Variants in RETREG1 observed in about 807,000 individuals in gnomAD.
The protein encoded by RETREG1 is family with sequence similarity 134 member B.
A neutral mutation model predicts 54.8 loss-of-function variants in RETREG1; 44 were observed. That is an observed-to-expected ratio of 0.80 (90% CI 0.63 to 1.03). The LOEUF (loss-of-function observed/expected upper bound fraction) is 1.03. RETREG1 is among the 50% of genes least tolerant of loss of function. The probability of loss-of-function intolerance (pLI) is 0.00; values close to 1 mark genes in which losing one functional copy is unlikely to be tolerated. For missense variants in RETREG1, 554 were observed against 605.1 expected, an observed-to-expected ratio of 0.92 and a Z score of 0.89; for synonymous variants, 217 against 238.5, an observed-to-expected ratio of 0.91 and a Z score of 0.83.
chr5:16,595,499 T>C (rs1742876201), intron 1 of RETREG1, among the ~76,000 whole-genome samples: 2 of 152,184 alleles, frequency 1.3e-5, no homozygotes, highest in South Asian at 4.1e-4. Context: ...AAGTAATAAC[T>C]TGTTAGTTAC....
chr5:16,487,237 T>C (rs1739053975), intron 3 of RETREG1, among the ~76,000 whole-genome samples: 1 of 152,220 alleles, frequency 6.6e-6, no homozygotes, highest in South Asian at 2.1e-4. Context: ...TCATTACCAG[T>C]AGCTTTATTA....
chr5:16,562,348 G>A (rs1741879461), intron 3 of RETREG1, among the ~76,000 whole-genome samples: 1 of 152,050 alleles, frequency 6.6e-6, no homozygotes, highest in Admixed American at 6.6e-5. Context: ...GAAAGCTTAA[G>A]ACACTTACCC....
At chr5:16,488,059 T>G (rs1033273685) in intron 3 of RETREG1, among the ~76,000 whole-genome samples, 2 of 152,162 alleles carry the variant, frequency 1.3e-5, no homozygotes, top group South Asian at 2.1e-4. Flanking sequence ...GGCTCAGAAA[T>G]CTGCATTTTA....
chr5:16,525,361 C>T (rs942590143), intron 3 of RETREG1, among the ~76,000 whole-genome samples: 8 of 152,076 alleles, frequency 5.3e-5, no homozygotes, highest in East Asian at 1.9e-4. Flanking sequence ...CTGCGTCCTT[C>T]GAGATGCTCA....
At chr5:16,523,417 G>C (rs953338484) in intron 3 of RETREG1, among the ~76,000 whole-genome samples, 1 of 152,106 alleles carries the variant, frequency 6.6e-6, no homozygotes, top group African/African-American at 2.4e-5. Context: ...GTAGAGATGC[G>C]TCAGTTTGGA....
chr5:16,591,551 C>T (rs2080543075), intron 1 of RETREG1, among the ~76,000 whole-genome samples: 1 of 152,200 alleles, frequency 6.6e-6, no homozygotes, highest in Non-Finnish European at 1.5e-5. Context: ...GTTACCACCC[C>T]CTCCCACGCC....
At chr5:16,609,214 C>T (rs1019823630) in intron 1 of RETREG1, among the ~76,000 whole-genome samples, 10 of 152,136 alleles carry the variant, frequency 6.6e-5, no homozygotes, top group Admixed American at 3.3e-4. Flanking sequence ...CTTTGGTGTT[C>T]AGTTAACTTT....
At chr5:16,575,165 T>C (rs1026963256) in intron 1 of RETREG1, among the ~76,000 whole-genome samples, 37 of 152,360 alleles carry the variant, frequency 2.4e-4, no homozygotes, top group African/African-American at 8.7e-4. Context: ...AAAACAAGTT[T>C]TGAAAAATAT....
chr5:16,603,874 G>T (rs1743115546), intron 1 of RETREG1, among the ~76,000 whole-genome samples: 1 of 146,984 alleles, frequency 6.8e-6, no homozygotes, highest in Non-Finnish European at 1.5e-5. Context: ...CGCCACCCTG[G>T]GTCAAAAGAG....
At chr5:16,547,844 TC>T in intron 3 of RETREG1, among the ~76,000 whole-genome samples, 1 of 152,266 alleles carries the variant, frequency 6.6e-6, no homozygotes, top group East Asian at 1.9e-4. Flanking sequence ...GGAGAAATAA[TC>T]AGGTATTGAG....
intron 1 of RETREG1, among the ~76,000 whole-genome samples, chr5:16,609,978 G>C (rs1185801138): frequency 1.3e-5 from 2 of 152,106 alleles, no homozygotes; most frequent in Admixed American, 1.3e-4. Flanking sequence ...GATGCTTTGG[G>C]CCCACCTGCA....
chr5:16,600,702 A>T (rs1180247640), intron 1 of RETREG1, among the ~76,000 whole-genome samples: 3 of 152,218 alleles, frequency 2.0e-5, no homozygotes, highest in Non-Finnish European at 4.4e-5. Context: ...TTACTGTGAA[A>T]CAGGAAGAGG....
intron 1 of RETREG1, 120 bp downstream of exon 1, chr5:16,616,532 G>A (rs1351910819): frequency 2.0e-6 from 3 of 1,474,576 alleles, no homozygotes; most frequent in East Asian, 5.2e-5. Context: ...AAGTGGGGCA[G>A]GGCTGACAAT....
chr5:16,518,831 G>A (rs942744678), intron 3 of RETREG1, among the ~76,000 whole-genome samples: 3 of 152,164 alleles, frequency 2.0e-5, no homozygotes, highest in Admixed American at 6.5e-5. Flanking sequence ...TCCACCCACT[G>A]ACTCAAGAGT....
intron 2 of RETREG1, among the ~76,000 whole-genome samples, chr5:16,570,743 C>CA (rs1318691959): frequency 6.6e-6 from 1 of 152,172 alleles, no homozygotes. Context: ...GGAGATGCCC[C>CA]ACCTCAAGGC....
intron 3 of RETREG1, among the ~76,000 whole-genome samples, chr5:16,491,342 T>C (rs902727338): frequency 5.9e-5 from 9 of 152,232 alleles, no homozygotes; most frequent in Non-Finnish European, 1.3e-4. Flanking sequence ...ATGACATTTG[T>C]AACACTGACT....
Position 16,527,459 on chromosome 5 carries a change from A to G in RETREG1, c.458+38304T>C, listed in dbSNP as rs530054913. ...ATCTTACAAAATACCAGGGCTATAC[A>G]TTCTATCTATTTTGAATTTAGAAGT... On this transcript the variant is annotated intron_variant, in intron 3 of 8. Coordinates refer to ENST00000306320, the MANE Select transcript of RETREG1 (RefSeq NM_001034850.3). Among the ~76,000 whole-genome samples the G allele has an allele frequency of 2.6e-4, 39 of 152,352 alleles. No homozygotes were observed. In the South Asian group the frequency reaches 8.1e-3, roughly 32 times the overall value.
At chr5:16,504,840 C>G (rs551192675) in intron 3 of RETREG1, among the ~76,000 whole-genome samples, 1 of 152,206 alleles carries the variant, frequency 6.6e-6, no homozygotes, top group African/African-American at 2.4e-5. Context: ...GGAATCCCAA[C>G]GGCACCCTGG....
intron 3 of RETREG1, among the ~76,000 whole-genome samples, chr5:16,537,819 C>T (rs939116972): frequency 6.6e-5 from 10 of 152,174 alleles, no homozygotes; most frequent in Non-Finnish European, 1.5e-5. Context: ...AGACGCAGTG[C>T]TCTTCACCCA....
Sources: gnomAD v4.1 joint callset for allele counts (sites outside exome capture counted in the v4.1 genomes callset) on GRCh38, gnomAD v4.1.1 for gene constraint, MANE v1.5 for transcripts, NCBI Gene and HGNC (gene_info 2026-07-23, HGNC 2026-07-21) for gene names.